Variants in SLC8A1 observed in about 807,000 individuals in gnomAD.
SLC8A1 encodes the protein sodium/calcium exchanger 1.
SLC8A1 carries 18 observed loss-of-function variants against 68.3 expected under a neutral mutation model. That is an observed-to-expected ratio of 0.26 (90% confidence interval 0.18 to 0.39). The LOEUF is 0.39. SLC8A1 is among the 10% of genes least tolerant of loss of function. The pLI is 1.00. For synonymous variants in SLC8A1, 475 were observed against 415.5 expected (o/e 1.14, Z -1.74); for missense variants, 985 against 1,156.7 (o/e 0.85, Z 2.15).
intron 1 of SLC8A1, among the ~76,000 whole-genome samples, chr2:40,503,765 T>C (rs1047550384): frequency 3.9e-5 from 6 of 151,946 alleles, no homozygotes; most frequent in African/African-American, 1.4e-4. Flanking sequence ...GAAAGATTAC[T>C]ACAATGAAAA....
intron 2 of SLC8A1, among the ~76,000 whole-genome samples, chr2:40,340,872 C>A (rs1007339302): frequency 1.3e-5 from 2 of 152,090 alleles, no homozygotes; most frequent in Admixed American, 1.3e-4. Flanking sequence ...AGCACGCACC[C>A]CTCTCTCTAC....
intron 2 of SLC8A1, among the ~76,000 whole-genome samples, chr2:40,179,865 A>G (rs1191940119): frequency 6.6e-6 from 1 of 152,208 alleles, no homozygotes; most frequent in Non-Finnish European, 1.5e-5. Flanking sequence ...CTAATGCCAA[A>G]TGCTTAAGTC....
intron 2 of SLC8A1, among the ~76,000 whole-genome samples, chr2:40,290,230 G>T (rs758357684): frequency 5.3e-5 from 8 of 151,348 alleles, no homozygotes; most frequent in Non-Finnish European, 8.8e-5. Context: ...AATGGGAAAC[G>T]CAGTACGAAA....
At chr2:40,208,384 G>A (rs530724860) in intron 2 of SLC8A1, 1 of 152,078 alleles carries the variant, frequency 6.6e-6, no homozygotes, top group Non-Finnish European at 1.5e-5. Context: ...GGAATCACTA[G>A]GTACTTCTAA....
chr2:40,147,127 T>C (rs993354151), intron 6 of SLC8A1, among the ~76,000 whole-genome samples: 4 of 152,122 alleles, frequency 2.6e-5, no homozygotes, highest in African/African-American at 9.7e-5. Flanking sequence ...ACTGTCCAAA[T>C]GAAAAACGGA....
intron 6 of SLC8A1, among the ~76,000 whole-genome samples, chr2:40,141,453 C>T (rs1447643176): frequency 6.6e-6 from 1 of 152,210 alleles, no homozygotes; most frequent in Non-Finnish European, 1.5e-5. Context: ...GTGAAGAAAG[C>T]AGCCTCATCT....
At chr2:40,423,088 T>C (rs1184846859) in intron 2 of SLC8A1, among the ~76,000 whole-genome samples, 1 of 152,124 alleles carries the variant, frequency 6.6e-6, no homozygotes, top group Non-Finnish European at 1.5e-5. Flanking sequence ...AAAGGATGTA[T>C]TCAGGTTGGT....
chr2:40,248,452 G>A (rs988212258), intron 2 of SLC8A1, among the ~76,000 whole-genome samples: 6 of 152,076 alleles, frequency 3.9e-5, no homozygotes, highest in African/African-American at 7.2e-5. Context: ...CAGGCACAGC[G>A]AAAAGATGGC....
At chr2:40,279,894 TTTTC>T (rs1001748861) in intron 2 of SLC8A1, among the ~76,000 whole-genome samples, 10 of 152,318 alleles carry the variant, frequency 6.6e-5, no homozygotes, top group African/African-American at 2.4e-4. Flanking sequence ...CTCTCCTACA[TTTTC>T]TTTGTTTCTT....
intron 2 of SLC8A1, among the ~76,000 whole-genome samples, chr2:40,253,286 A>T (rs905111543): frequency 1.3e-4 from 20 of 150,726 alleles, no homozygotes; most frequent in Non-Finnish European, 2.1e-4. Flanking sequence ...TGACGTATAT[A>T]TGTGTATATA....
chr2:40,228,492 T>C (rs11894296), intron 2 of SLC8A1, among the ~76,000 whole-genome samples: 24,393 of 152,146 alleles, frequency 0.16, 2,101 homozygotes, highest in Non-Finnish European at 0.17. Flanking sequence ...AATTCAACAG[T>C]AGAAGCCAAC....
intron 2 of SLC8A1, among the ~76,000 whole-genome samples, chr2:40,400,375 G>C (rs1377641261): frequency 2.0e-5 from 3 of 152,074 alleles, no homozygotes; most frequent in African/African-American, 7.2e-5. Flanking sequence ...GACTCACCCA[G>C]GAAAGAAAAA....
chr2:40,144,770 A>G (rs1187543601), intron 6 of SLC8A1, among the ~76,000 whole-genome samples: 1 of 152,116 alleles, frequency 6.6e-6, no homozygotes, highest in East Asian at 1.9e-4. Flanking sequence ...ACTGTTTTGG[A>G]ACCTCTATTT....
At chr2:40,351,591 A>G (rs1375000453) in intron 2 of SLC8A1, among the ~76,000 whole-genome samples, 2 of 151,936 alleles carry the variant, frequency 1.3e-5, no homozygotes, top group Non-Finnish European at 2.9e-5. Context: ...CATCCAAAAA[A>G]AAAAAAAAGT....
intron 2 of SLC8A1, among the ~76,000 whole-genome samples, chr2:40,300,402 G>A (rs755604326): frequency 1.4e-4 from 20 of 147,570 alleles, no homozygotes; most frequent in South Asian, 6.4e-4. Context: ...GTGCTTCACT[G>A]CTTTAGAAGT....
At chr2:40,273,970 C>T (rs1449915934) in intron 2 of SLC8A1, among the ~76,000 whole-genome samples, 4 of 151,032 alleles carry the variant, frequency 2.6e-5, no homozygotes, top group South Asian at 4.2e-4. Flanking sequence ...CCCAAGGCTG[C>T]GGCATGTCGG....
intron 1 of SLC8A1, among the ~76,000 whole-genome samples, chr2:40,497,037 C>T (rs555437055): frequency 6.6e-6 from 1 of 151,400 alleles, no homozygotes; most frequent in South Asian, 2.1e-4. Context: ...AACTAACCTG[C>T]ACAATGTGCA....
At chr2:40,239,433 A>G (rs1325044545) in intron 2 of SLC8A1, among the ~76,000 whole-genome samples, 1 of 152,218 alleles carries the variant, frequency 6.6e-6, no homozygotes, top group African/African-American at 2.4e-5. Flanking sequence ...TTAAATGCTG[A>G]GAGACCTAAA....
chr2:40,113,473 C>A (rs758522528), exon 8 of SLC8A1: 4 of 152,710 alleles, frequency 2.6e-5, no homozygotes, highest in Non-Finnish European at 4.4e-5. Context: ...CAGTCCAATC[C>A]TCCTGGGAGG....
Sources: gnomAD v4.1 joint callset for allele counts (sites outside exome capture counted in the v4.1 genomes callset) on GRCh38, gnomAD v4.1.1 for gene constraint, MANE v1.5 for transcripts, NCBI Gene and HGNC (gene_info 2026-07-23, HGNC 2026-07-21) for gene names.